Variants in CCDC178 observed in about 807,000 individuals in gnomAD.
The protein encoded by CCDC178 is coiled-coil domain containing 178.
A neutral mutation model predicts 117.4 loss-of-function variants in CCDC178; 126 were observed. The observed-to-expected ratio is 1.07, with a 90% CI of 0.93 to 1.24. The LOEUF is 1.24. CCDC178 is among the 50% of genes most tolerant of loss of function. CCDC178 has a pLI of 0.00. For missense variants in CCDC178, 1,030 were observed against 986.9 expected (o/e 1.04, Z -0.59); for synonymous variants, 283 against 313.4 (o/e 0.90, Z 1.02).
intron 20 of CCDC178, among the ~76,000 whole-genome samples, chr18:33,152,111 G>C (rs546319800): frequency 6.6e-6 from 1 of 152,188 alleles, no homozygotes; most frequent in South Asian, 2.1e-4. Context: ...AAAGTTTTCG[G>C]AGAGGAGAAG....
chr18:33,144,489 A>G (rs1439012991), intron 20 of CCDC178, among the ~76,000 whole-genome samples: 1 of 152,148 alleles, frequency 6.6e-6, no homozygotes, highest in Non-Finnish European at 1.5e-5. Context: ...TTATAGTGCT[A>G]GCAGAAGCAG....
intron 20 of CCDC178, among the ~76,000 whole-genome samples, chr18:33,185,669 C>A (rs1459339386): frequency 2.0e-5 from 3 of 151,992 alleles, no homozygotes; most frequent in African/African-American, 7.2e-5. Context: ...ATTTTTCTCA[C>A]AAAGAGAAAT....
chr18:33,001,763 A>G (rs1188312165), intron 21 of CCDC178, among the ~76,000 whole-genome samples: 1 of 152,174 alleles, frequency 6.6e-6, no homozygotes, highest in African/African-American at 2.4e-5. Context: ...AAGAAGACCC[A>G]GCATAGAGTG....
chr18:32,993,664 G>A (rs1217362093), intron 21 of CCDC178, among the ~76,000 whole-genome samples: 1 of 152,144 alleles, frequency 6.6e-6, no homozygotes, highest in Non-Finnish European at 1.5e-5. Context: ...ATAGGGATTA[G>A]TTTATTTCAG....
intron 11 of CCDC178, among the ~76,000 whole-genome samples, chr18:33,304,125 T>G (rs1226972957): frequency 6.6e-6 from 1 of 152,238 alleles, no homozygotes; most frequent in African/African-American, 2.4e-5. Flanking sequence ...TGGCTATCCG[T>G]TGCTGCATAA....
At chr18:33,086,559 C>G (rs866297501) in intron 21 of CCDC178, among the ~76,000 whole-genome samples, 2 of 151,530 alleles carry the variant, frequency 1.3e-5, no homozygotes, top group African/African-American at 2.4e-5. Flanking sequence ...AGAAAGAATT[C>G]CAGGGACAAT....
chr18:33,022,356 C>A (rs796126241), intron 21 of CCDC178, among the ~76,000 whole-genome samples: 14 of 152,216 alleles, frequency 9.2e-5, no homozygotes, highest in African/African-American at 3.4e-4. Context: ...CACACTTTTT[C>A]CCCCTCTTGA....
At chr18:33,302,693 C>T (rs1204093656) in intron 11 of CCDC178, among the ~76,000 whole-genome samples, 1 of 152,164 alleles carries the variant, frequency 6.6e-6, no homozygotes, top group Non-Finnish European at 1.5e-5. Context: ...AGAATGAAAT[C>T]TTGTCATTCA....
intron 21 of CCDC178, among the ~76,000 whole-genome samples, chr18:33,060,498 C>T (rs186516595): frequency 6.6e-6 from 1 of 151,878 alleles, no homozygotes; most frequent in East Asian, 1.9e-4. Context: ...TGATTGATGT[C>T]CTCTACTTAC....
rs1017701261 is a variant in CCDC178, at chr18:33,282,033, G to A, written c.1176+11126C>T. 2.0e-5 allele frequency among the ~76,000 whole-genome samples: 3 copies of A among 152,170 alleles called. No homozygotes were observed. The East Asian group carries it at 5.8e-4, about 29-fold the overall frequency. On this transcript the variant is annotated intron_variant, in intron 12 of 22. Transcript: ENST00000383096. ...GGCGTGCTTTTAACAGATCTTCAGA[G>A]GGAAGGCACCAAGAGTGGACACAGA...
chr18:33,073,421 C>A (rs1175466318), intron 21 of CCDC178, among the ~76,000 whole-genome samples: 1 of 152,024 alleles, frequency 6.6e-6, no homozygotes, highest in Non-Finnish European at 1.5e-5. Flanking sequence ...TATACAAATT[C>A]TATCATATAC....
chr18:33,035,489 T>C (rs546077456), intron 21 of CCDC178, among the ~76,000 whole-genome samples: 19 of 152,112 alleles, frequency 1.2e-4, no homozygotes, highest in African/African-American at 3.9e-4. Flanking sequence ...TTGAAAACAT[T>C]ATGCTAAGTG....
intron 10 of CCDC178, among the ~76,000 whole-genome samples, chr18:33,331,026 CTTT>C (rs67153629): frequency 2.9e-4 from 13 of 45,046 alleles, no homozygotes; most frequent in African/African-American, 1.3e-3. Flanking sequence ...ACAAACATTG[CTTT>C]TTTTTTTTTT....
At chr18:33,073,675 T>C (rs182967100) in intron 21 of CCDC178, among the ~76,000 whole-genome samples, 1 of 152,176 alleles carries the variant, frequency 6.6e-6, no homozygotes, top group Admixed American at 6.5e-5. Context: ...CATCTAGTAA[T>C]TGCAAAAATA....
rs187550692 is a variant in CCDC178, at chr18:32,975,131, C to G, written c.2389-450G>C. Among the ~76,000 whole-genome samples the G allele has an allele frequency of 1.5e-4, 23 of 152,284 alleles. No individual in the cohort carries two copies. The East Asian group carries it at 4.4e-3, about 29-fold the overall frequency. The stretch of plus-strand genomic sequence containing the variant: ...AAGACTTTGATGGACACCATCACTG[C>G]TTTTTTTCCTCATAAAGCTTACCAT... On this transcript the variant is annotated intron_variant, in intron 21 of 22. Coordinates refer to ENST00000383096, the MANE Select transcript of CCDC178 (RefSeq NM_001105528.4).
In CCDC178 at chr18:33,247,001, A is replaced by G. The variant is rs1160843940; in HGVS notation, c.1410-1573T>C. ...AGGTAGAAGCAATGACATAATTTCA[A>G]TTGGAAAGAGATAAACAAGAAGATA... On this transcript the variant is annotated intron_variant, in intron 14 of 22. Coordinates refer to ENST00000383096, the MANE Select transcript of CCDC178 (RefSeq NM_001105528.4). 4.6e-5 allele frequency among the ~76,000 whole-genome samples: 7 copies of G among 151,682 alleles called. No individual in the cohort carries two copies. In the South Asian group the frequency reaches 6.2e-4, roughly 13 times the overall value.
chr18:33,137,465 C>T (rs1046982188), intron 20 of CCDC178, among the ~76,000 whole-genome samples: 22 of 152,108 alleles, frequency 1.4e-4, no homozygotes, highest in Non-Finnish European at 2.9e-4. Context: ...ATTTCTACAA[C>T]TATTAGTTCT....
intron 2 of CCDC178, among the ~76,000 whole-genome samples, chr18:33,432,723 T>C (rs1260069517): frequency 6.6e-6 from 1 of 152,202 alleles, no homozygotes; most frequent in Non-Finnish European, 1.5e-5. Context: ...TTTATGATGC[T>C]CTGTAAGATA....
intron 3 of CCDC178, among the ~76,000 whole-genome samples, chr18:33,409,785 A>G (rs2063826419): frequency 1.3e-5 from 2 of 152,212 alleles, no homozygotes; most frequent in Admixed American, 6.5e-5. Flanking sequence ...TGACAAAAGT[A>G]AATTTTAACT....
Sources: gnomAD v4.1 joint callset for allele counts (sites outside exome capture counted in the v4.1 genomes callset) on GRCh38, gnomAD v4.1.1 for gene constraint, MANE v1.5 for transcripts, NCBI Gene and HGNC (gene_info 2026-07-23, HGNC 2026-07-21) for gene names.